The following PLXNA4 variants were observed in gnomAD, a reference collection of about 807,000 sequenced individuals.
PLXNA4 encodes plexin-A4.
A neutral mutation model predicts 191.8 loss-of-function variants in PLXNA4; 44 were observed. The observed-to-expected ratio is 0.23, with a 90% CI of 0.18 to 0.29. The LOEUF (loss-of-function observed/expected upper bound fraction) is 0.29, where lower values mean the gene tolerates loss of function less well. Ranked by LOEUF, PLXNA4 falls within the 10% of genes least tolerant of loss-of-function variation. The pLI is 1.00. For missense variants in PLXNA4, 1,800 were observed against 2,488.8 expected (o/e 0.72, Z 5.89); for synonymous variants, 1,082 against 1,009.5 (o/e 1.07, Z -1.36).
chr7:132,555,339 C>T (rs1171431648), intron 1 of PLXNA4, among the ~76,000 whole-genome samples: 2 of 152,156 alleles, frequency 1.3e-5, no homozygotes, highest in Non-Finnish European at 2.9e-5. Context: ...GCTCTTCTTC[C>T]CTTCCCATTT....
At chr7:132,457,922 C>T (rs1796368006) in intron 3 of PLXNA4, among the ~76,000 whole-genome samples, 1 of 152,164 alleles carries the variant, frequency 6.6e-6, no homozygotes. Flanking sequence ...AGGAATGTGG[C>T]CTTGTGCGCA....
Position 132,642,275 on chromosome 7 carries a change from A to G in PLXNA4, c.-87+3653T>C, listed in dbSNP as rs547103304. ...CAACATTTCTGTAATTAAATATAGT[A>G]AATTATGATTAAATTTCCTCTATTT... On this transcript the variant is annotated intron_variant, in intron 2 of 4. Transcript: ENST00000378539. Among the ~76,000 whole-genome samples, 21 of 152,264 alleles carry G rather than the reference A, an allele frequency of 1.4e-4. No homozygotes were observed. The South Asian group carries it at 4.2e-3, about 30-fold the overall frequency.
chr7:132,210,360 T>C (rs1797757847), intron 10 of PLXNA4, among the ~76,000 whole-genome samples: 7 of 152,196 alleles, frequency 4.6e-5, no homozygotes, highest in Admixed American at 4.6e-4. Flanking sequence ...TGACTACTCA[T>C]TGATAGGGCT....
At chr7:132,140,338 C>A (rs1428270620) in intron 30 of PLXNA4, among the ~76,000 whole-genome samples, 2 of 152,170 alleles carry the variant, frequency 1.3e-5, no homozygotes, top group Non-Finnish European at 2.9e-5. Context: ...GCCTAGAAGA[C>A]ATTTCAGCCA....
chr7:132,323,809 A>T (rs1802265713), intron 3 of PLXNA4, among the ~76,000 whole-genome samples: 1 of 152,180 alleles, frequency 6.6e-6, no homozygotes, highest in Non-Finnish European at 1.5e-5. Flanking sequence ...CTCACTGTTT[A>T]AATATCTGGG....
intron 3 of PLXNA4, among the ~76,000 whole-genome samples, chr7:132,364,332 C>T (rs1421653402): frequency 1.3e-5 from 2 of 152,356 alleles, no homozygotes; most frequent in South Asian, 2.1e-4. Context: ...GAAAGAAACG[C>T]ATTGCCTTTC....
At chr7:132,633,289 T>A (rs2116881413) in intron 2 of PLXNA4, among the ~76,000 whole-genome samples, 1 of 151,466 alleles carries the variant, frequency 6.6e-6, no homozygotes, top group Middle Eastern at 3.4e-3. Flanking sequence ...CTCATTTTTT[T>A]TTTTTTTTTT....
At chr7:132,158,973 C>T (rs980435665) in intron 25 of PLXNA4, among the ~76,000 whole-genome samples, 1 of 152,158 alleles carries the variant, frequency 6.6e-6, no homozygotes, top group African/African-American at 2.4e-5. Flanking sequence ...TTTCCCTATA[C>T]TTTCTCTCCA....
In PLXNA4 at chr7:132,191,833, TAC is replaced by T. The variant is rs147734395; in HGVS notation, c.2856+2227_2856+2228del. Among the ~76,000 whole-genome samples the T allele has an allele frequency of 1.7e-3, 243 of 147,146 alleles. 1 individual carries two copies. The highest frequency in any genetic ancestry group is 1.3e-3 in the Non-Finnish European group (87 of 67,194). On this transcript the variant is annotated intron_variant, in intron 14 of 31. Transcript: ENST00000321063. Reference sequence around the variant, plus strand: ...ATATCATATACTATATATATATATATACACACACACACACACACATATATATG... The same window carrying T: ...ATATCATATACTATATATATATATATACACACACACACACACATATATATG...
intron 3 of PLXNA4, among the ~76,000 whole-genome samples, chr7:132,379,788 C>T (rs1269205787): frequency 6.6e-6 from 1 of 152,246 alleles, no homozygotes; most frequent in Non-Finnish European, 1.5e-5. Context: ...TATAGCTCTT[C>T]ACAGTCACTC....
At chr7:132,314,877 C>T (rs191249950) in intron 3 of PLXNA4, among the ~76,000 whole-genome samples, 1 of 152,312 alleles carries the variant, frequency 6.6e-6, no homozygotes, top group Non-Finnish European at 1.5e-5. Context: ...AAGCCAGCAA[C>T]AAAATTGTCT....
chr7:132,412,568 G>A (rs1270026200), intron 3 of PLXNA4, among the ~76,000 whole-genome samples: 1 of 152,210 alleles, frequency 6.6e-6, no homozygotes, highest in African/African-American at 2.4e-5. Context: ...AGCATAGAGG[G>A]CAATTGCTTT....
chr7:132,251,695 A>ATGTCT (rs1799259300), intron 4 of PLXNA4, among the ~76,000 whole-genome samples: 4 of 152,214 alleles, frequency 2.6e-5, no homozygotes, highest in African/African-American at 4.8e-5. Context: ...GAATGAGTGC[A>ATGTCT]CAGCAGCCCA....
At chr7:132,277,996 ATAAGTGCC>A in intron 4 of PLXNA4, among the ~76,000 whole-genome samples, 1 of 152,338 alleles carries the variant, frequency 6.6e-6, no homozygotes, top group East Asian at 1.9e-4. Flanking sequence ...TGGGTGAACA[ATAAGTGCC>A]TGCTGAATTG....
At chr7:132,368,105 G>A (rs1804267581) in intron 3 of PLXNA4, 1 of 152,284 alleles carries the variant, frequency 6.6e-6, no homozygotes, top group African/African-American at 2.4e-5. Flanking sequence ...TGGCAAGAGA[G>A]GAGAATGTCT....
chr7:132,540,521 G>A (rs1800027014), intron 1 of PLXNA4, among the ~76,000 whole-genome samples: 2 of 147,562 alleles, frequency 1.4e-5, no homozygotes, highest in Admixed American at 1.4e-4. Flanking sequence ...AGTTCATACA[G>A]GAAATGGATG....
chr7:132,262,862 C>T (rs1799702005), intron 4 of PLXNA4, among the ~76,000 whole-genome samples: 1 of 152,104 alleles, frequency 6.6e-6, no homozygotes, highest in South Asian at 2.1e-4. Flanking sequence ...TCGTTCATGA[C>T]TCCCTAAGGT....
intron 5 of PLXNA4, among the ~76,000 whole-genome samples, chr7:132,240,426 G>A (rs1169100908): frequency 6.6e-6 from 1 of 152,124 alleles, no homozygotes; most frequent in Admixed American, 6.5e-5. Context: ...CACACAAAAG[G>A]AGGCACATTG....
Position 132,176,636 on chromosome 7 carries a change from G to A in PLXNA4, c.3875-1716C>T, listed in dbSNP as rs1263238533. ...TGACTGCATGTGTGTGTGTATGTCA[G>A]TGAGTGTGTAGGCATGTGCAAGTGT... On this transcript the variant is annotated intron_variant, in intron 20 of 31. Coordinates refer to ENST00000321063, the MANE Select transcript of PLXNA4 (RefSeq NM_020911.2). Among the ~76,000 whole-genome samples, 5 of 152,296 alleles carry A rather than the reference G, an allele frequency of 3.3e-5. No individual in the cohort carries two copies. The East Asian group carries it at 5.8e-4, about 18-fold the overall frequency.
Sources: allele counts gnomAD v4.1 joint callset (sites outside exome capture counted in the v4.1 genomes callset), GRCh38; gene constraint gnomAD v4.1.1; transcripts MANE v1.5; gene names NCBI Gene and HGNC (gene_info 2026-07-23, HGNC 2026-07-21).